Variants in RBFOX1 observed in about 807,000 individuals in gnomAD.
RBFOX1 encodes RNA binding fox-1 homolog 1.
In RBFOX1, 8 loss-of-function variants were observed where a neutral mutation model predicts 57.7. The ratio of observed to expected loss-of-function variants is 0.14; its 90% CI spans 0.08 to 0.25. The LOEUF (loss-of-function observed/expected upper bound fraction) is 0.25, where lower values mean the gene tolerates loss of function less well. Ranked by LOEUF, RBFOX1 falls within the 10% of genes least tolerant of loss-of-function variation. The pLI, the probability that RBFOX1 is intolerant of heterozygous loss-of-function variation, is 1.00. For synonymous variants in RBFOX1, 326 were observed against 222.4 expected (o/e 1.47, Z -4.15); for missense variants, 611 against 548.5 (o/e 1.11, Z -1.14).
At chr16:5,421,058 G>C (rs1387859219) in intron 1 of RBFOX1, among the ~76,000 whole-genome samples, 1 of 151,038 alleles carries the variant, frequency 6.6e-6, no homozygotes, top group East Asian at 1.9e-4. Flanking sequence ...CTAGGCTGGA[G>C]TGCAGTGGTG....
chr16:5,745,305 G>T (rs956229719), intron 3 of RBFOX1, among the ~76,000 whole-genome samples: 1 of 152,184 alleles, frequency 6.6e-6, no homozygotes, highest in South Asian at 2.1e-4. Flanking sequence ...GTATCCCATG[G>T]TGTATATGTG....
intron 2 of RBFOX1, among the ~76,000 whole-genome samples, chr16:6,436,164 C>T (rs148568507): frequency 6.6e-6 from 1 of 152,086 alleles, no homozygotes; most frequent in East Asian, 1.9e-4. Flanking sequence ...AAGATAAATG[C>T]AGCTCAATAC....
intron 3 of RBFOX1, among the ~76,000 whole-genome samples, chr16:6,754,562 C>T (rs1317748175): frequency 6.6e-6 from 1 of 152,146 alleles, no homozygotes; most frequent in African/African-American, 2.4e-5. Context: ...TAGAATTTCT[C>T]TCTACAAATT....
At chr16:6,586,941 A>G (rs1245478262) in intron 2 of RBFOX1, among the ~76,000 whole-genome samples, 1 of 152,220 alleles carries the variant, frequency 6.6e-6, no homozygotes, top group African/African-American at 2.4e-5. Flanking sequence ...TGAAATATAT[A>G]TATATTGTGG....
intron 2 of RBFOX1, among the ~76,000 whole-genome samples, chr16:6,545,876 G>C (rs1285384896): frequency 6.6e-6 from 1 of 152,196 alleles, no homozygotes; most frequent in Non-Finnish European, 1.5e-5. Flanking sequence ...TGAATCCCAG[G>C]TGTCTGATGC....
chr16:7,101,241 G>T (rs1283717428), intron 4 of RBFOX1, among the ~76,000 whole-genome samples: 2 of 152,188 alleles, frequency 1.3e-5, no homozygotes, highest in African/African-American at 4.8e-5. Flanking sequence ...CACCAGCGTG[G>T]CATAGAGAGA....
chr16:5,246,528 T>C (rs1364354739), intron 1 of RBFOX1, among the ~76,000 whole-genome samples: 1 of 152,212 alleles, frequency 6.6e-6, no homozygotes, highest in Non-Finnish European at 1.5e-5. Context: ...TAACTGTAGG[T>C]ACCATGTTGT....
rs554520003 is a variant in RBFOX1, at chr16:6,299,014, A to G, written c.-126-17981A>G. On this transcript the variant is annotated intron_variant, in intron 1 of 15. Coordinates refer to ENST00000550418, the MANE Select transcript of RBFOX1 (RefSeq NM_018723.4). Reference sequence around the variant, plus strand: ...GGATCTTGACCCCTTTCCTCGTGCTATTTCTGCCCTTGTCTCTGATACTTC... The same window carrying G: ...GGATCTTGACCCCTTTCCTCGTGCTGTTTCTGCCCTTGTCTCTGATACTTC... 1.6e-4 allele frequency among the ~76,000 whole-genome samples: 25 copies of G among 152,256 alleles called. No individual in the cohort carries two copies. In the East Asian group the frequency reaches 2.3e-3, roughly 14 times the overall value.
chr16:6,298,084 C>T (rs2078347921), intron 1 of RBFOX1, among the ~76,000 whole-genome samples: 1 of 152,198 alleles, frequency 6.6e-6, no homozygotes, highest in African/African-American at 2.4e-5. Flanking sequence ...ACACTTAAGC[C>T]ATCCGTGGAT....
chr16:7,033,451 C>T (rs1429797545), intron 3 of RBFOX1, among the ~76,000 whole-genome samples: 3 of 152,138 alleles, frequency 2.0e-5, no homozygotes, highest in South Asian at 2.1e-4. Context: ...TCCCGGGAGG[C>T]GGAGGTTGCA....
chr16:7,499,009 C>T (rs967877559), intron 4 of RBFOX1, among the ~76,000 whole-genome samples: 1 of 152,158 alleles, frequency 6.6e-6, no homozygotes, highest in African/African-American at 2.4e-5. Flanking sequence ...TAGACAGTGA[C>T]ATCACTCAAT....
At chr16:5,823,170 C>T (rs944655989) in intron 3 of RBFOX1, among the ~76,000 whole-genome samples, 2 of 152,186 alleles carry the variant, frequency 1.3e-5, no homozygotes, top group African/African-American at 2.4e-5. Context: ...GTCCTGGGCA[C>T]ATAGAGGGCA....
intron 3 of RBFOX1, among the ~76,000 whole-genome samples, chr16:5,841,063 T>A (rs780093839): frequency 1.3e-5 from 2 of 152,214 alleles, no homozygotes; most frequent in African/African-American, 2.4e-5. Context: ...CTCTCCCTAG[T>A]GGAGCTGAGG....
At chr16:7,557,921 A>G (rs1458773829) in intron 5 of RBFOX1, among the ~76,000 whole-genome samples, 2 of 152,312 alleles carry the variant, frequency 1.3e-5, no homozygotes, top group South Asian at 2.1e-4. Flanking sequence ...AAAAATATGC[A>G]GAAGTGGACC....
intron 1 of RBFOX1, among the ~76,000 whole-genome samples, chr16:6,075,756 G>T (rs1377415024): frequency 1.3e-5 from 2 of 152,146 alleles, no homozygotes; most frequent in Non-Finnish European, 2.9e-5. Flanking sequence ...AAGGAACTTG[G>T]GGAACTTCTA....
At chr16:7,294,440 A>T (rs974701409) in intron 4 of RBFOX1, among the ~76,000 whole-genome samples, 3 of 151,586 alleles carry the variant, frequency 2.0e-5, no homozygotes, top group Non-Finnish European at 4.4e-5. Context: ...CTCTTTTGAC[A>T]TATGTCAGTT....
intron 1 of RBFOX1, among the ~76,000 whole-genome samples, chr16:6,250,382 T>A (rs1439137133): frequency 2.6e-5 from 4 of 152,148 alleles, no homozygotes; most frequent in Non-Finnish European, 5.9e-5. Context: ...GGAAAGTCAC[T>A]CCTCTTGACA....
At chr16:5,850,658 C>T (rs1194532436) in intron 3 of RBFOX1, among the ~76,000 whole-genome samples, 2 of 152,192 alleles carry the variant, frequency 1.3e-5, no homozygotes, top group African/African-American at 4.8e-5. Flanking sequence ...TGCATGTGAT[C>T]CTCAGTGAAC....
chr16:7,603,250 T>A (rs896053618), intron 9 of RBFOX1, among the ~76,000 whole-genome samples: 2 of 152,100 alleles, frequency 1.3e-5, no homozygotes, highest in Middle Eastern at 3.4e-3. Flanking sequence ...CAAAAAAAAA[T>A]TTGTCTATTA....
Sources: allele counts gnomAD v4.1 joint callset (sites outside exome capture counted in the v4.1 genomes callset), GRCh38; gene constraint gnomAD v4.1.1; transcripts MANE v1.5; gene names NCBI Gene and HGNC (gene_info 2026-07-23, HGNC 2026-07-21).